The following RPS6KB1 variants were observed in gnomAD, a reference collection of about 807,000 sequenced individuals.
The protein encoded by RPS6KB1 is ribosomal protein S6 kinase beta-1.
In RPS6KB1, 12 loss-of-function variants were observed where a neutral mutation model predicts 70.2. The ratio of observed to expected loss-of-function variants is 0.17; its 90% CI spans 0.11 to 0.28. The LOEUF is 0.28. RPS6KB1 is among the 10% of genes least tolerant of loss of function. The pLI, the probability that RPS6KB1 is intolerant of heterozygous loss-of-function variation, is 1.00. For missense variants in RPS6KB1, 270 were observed against 646.6 expected (o/e 0.42, Z 6.32); for synonymous variants, 175 against 211.2 (o/e 0.83, Z 1.49).
intron 1 of RPS6KB1, among the ~76,000 whole-genome samples, chr17:59,905,201 T>G (rs927513770): frequency 6.6e-6 from 1 of 151,696 alleles, no homozygotes; most frequent in African/African-American, 2.4e-5. Context: ...AGAGACCAAG[T>G]TTCACCATGT....
At chr17:59,932,028 G>C (rs990628057) in intron 7 of RPS6KB1, among the ~76,000 whole-genome samples, 3 of 152,058 alleles carry the variant, frequency 2.0e-5, no homozygotes, top group African/African-American at 7.2e-5. Context: ...GACTGTAAAA[G>C]CCAGTCTAAA....
chr17:59,906,956 G>A (rs981340368), intron 1 of RPS6KB1: 1 of 151,834 alleles, frequency 6.6e-6, no homozygotes, highest in African/African-American at 2.4e-5. Context: ...GGCCTCCAAA[G>A]TGCTGGGATT....
rs369442815 is a variant in RPS6KB1 at position 59,946,825 on chromosome 17, G to A, written c.*37G>A. Reference sequence around the variant, plus strand: ...TTTTAATGAATTTAAGGCAAAAAAGGTGGAGAGGGAGATGTGTGAGCATCC... The same window carrying A: ...TTTTAATGAATTTAAGGCAAAAAAGATGGAGAGGGAGATGTGTGAGCATCC... On this transcript the variant is annotated 3_prime_UTR_variant, in exon 15 of 15. Transcript: ENST00000225577. The surrounding 1 kb of genome is among the most constrained non-coding windows in gnomAD (Gnocchi z 4.2). 9 of 1,609,494 alleles carry A rather than the reference G, an allele frequency of 5.6e-6. No homozygotes were observed. The highest frequency in any genetic ancestry group is 6.8e-6 in the Non-Finnish European group (8 of 1,176,674).
chr17:59,940,722 C>A (rs1248876726), intron 12 of RPS6KB1, 114 bp from the exon 13 acceptor site: 12 of 569,836 alleles, frequency 2.1e-5, no homozygotes, highest in Non-Finnish European at 3.3e-5. Context: ...TAAGACTATT[C>A]TAATACTTTA....
intron 4 of RPS6KB1, among the ~76,000 whole-genome samples, chr17:59,915,047 G>C (rs2042861361): frequency 6.6e-6 from 1 of 150,670 alleles, no homozygotes; most frequent in Non-Finnish European, 1.5e-5. Context: ...GGAGTGCGGT[G>C]GTGCGATGTC....
intron 1 of RPS6KB1, among the ~76,000 whole-genome samples, chr17:59,908,196 A>AT (rs924650940): frequency 0.017 from 2,479 of 143,994 alleles, 61 homozygotes; most frequent in African/African-American, 0.057. Flanking sequence ...CAAAATATAC[A>AT]TTTTTTTTTT....
chr17:59,894,784 T>C (rs1310835216), intron 1 of RPS6KB1, among the ~76,000 whole-genome samples: 2 of 151,980 alleles, frequency 1.3e-5, no homozygotes, highest in Non-Finnish European at 2.9e-5. Flanking sequence ...TTTGTATTTT[T>C]AGTAGAGACA....
chr17:59,947,323 A>C lies in RPS6KB1; in HGVS notation c.*535A>C. On this transcript the variant is annotated 3_prime_UTR_variant, in exon 15 of 15. Coordinates refer to ENST00000225577, the MANE Select transcript of RPS6KB1 (RefSeq NM_003161.4). ...TTTTTTATATAAATATATATTTTTC[A>C]AATAGATTTTTGATTCAGCTCATTA... 9.4e-7 allele frequency: 1 copy of C among 1,058,882 alleles called. No homozygotes were observed. The highest frequency in any genetic ancestry group is 4.9e-5 in the East Asian group (1 of 20,270). 65.6% of individuals were successfully genotyped at this position (1,058,882 alleles called of 1,614,324 possible).
chr17:59,932,850 C>T (rs912766089), intron 7 of RPS6KB1, among the ~76,000 whole-genome samples: 3 of 152,170 alleles, frequency 2.0e-5, no homozygotes, highest in Non-Finnish European at 4.4e-5. Context: ...ACCTTCCCCC[C>T]AGCCAGAATC....
At chr17:59,919,162 C>G (rs570925413) in intron 4 of RPS6KB1, among the ~76,000 whole-genome samples, 50 of 152,234 alleles carry the variant, frequency 3.3e-4, no homozygotes, top group African/African-American at 1.2e-3. Flanking sequence ...ATCAGAAGTT[C>G]TGTGTGTGTA....
Position 59,893,419 on chromosome 17 carries a change from A to C in RPS6KB1, c.141+94A>C. 1.5e-6 allele frequency: 2 copies of C among 1,300,422 alleles called. No homozygotes were observed. The highest frequency in any genetic ancestry group is 2.1e-6 in the Non-Finnish European group (2 of 938,546). The allele number at this position is 1,300,422 out of a possible 1,614,324, so 80.6% of individuals were successfully genotyped here. A position where few individuals can be genotyped will look rare whatever the true frequency, so the allele number is the denominator to read the frequency against. On this transcript the variant is annotated intron_variant, in intron 1 of 14. Coordinates refer to ENST00000225577, the MANE Select transcript of RPS6KB1 (RefSeq NM_003161.4). The surrounding 1 kb of genome is among the most constrained non-coding windows in gnomAD (Gnocchi z 4.1). ...GGTGTGTCCTAGAGCGTGGAGACCC[A>C]GGGGGGCTCCTGAGGAGCTGAGGGT...
Position 59,935,254 on chromosome 17 carries a change from A to G in RPS6KB1, c.932A>G (p.Asn311Ser), listed in dbSNP as rs200443093. The G allele has an allele frequency of 1.5e-5, 24 of 1,613,066 alleles. No homozygotes were observed. Among genetic ancestry groups the G allele is most frequent in the Admixed American group, 3.3e-5 (2 of 59,984 alleles). ...TIDKILKCKL[N>S]LPPYLTQEAR... is the part of the protein sequence containing the mutation. ...GACAAAATCCTCAAATGTAAACTCA[A>G]TTTGCCTCCCTACCTCACACAAGAA... Residue 311 changes from asparagine to serine, a missense_variant, in exon 10 of 15, where the codon AAT (asparagine) becomes AGT (serine). By Grantham distance (46) the Asn-to-Ser change is conservative. Coordinates refer to ENST00000225577, the MANE Select transcript of RPS6KB1 (RefSeq NM_003161.4).
At position 59,934,022 on chromosome 17, in the gene RPS6KB1, T is replaced by G; in HGVS notation, c.689-148T>G. The G allele has an allele frequency of 1.6e-6, 1 of 627,540 alleles. No individual in the cohort carries two copies. The highest frequency in any genetic ancestry group is 1.9e-5 in the South Asian group (1 of 51,494). 38.9% of individuals were successfully genotyped at this position (627,540 alleles called of 1,614,324 possible). ...CTTAAACAGTTAGCATCCCATTTTA[T>G]GGATGGTACCTTGTTCTTGACATCT... On this transcript the variant is annotated intron_variant, in intron 7 of 14. Transcript: ENST00000225577. This position sits in a 1 kb window ranked among gnomAD's most constrained non-coding sequence, Gnocchi z 4.8.
intron 4 of RPS6KB1, among the ~76,000 whole-genome samples, chr17:59,924,759 CT>C (rs1263172458): frequency 6.6e-6 from 1 of 151,540 alleles, no homozygotes; most frequent in African/African-American, 2.4e-5. Flanking sequence ...TGCTGCTGTA[CT>C]TTTAAGTACT....
intron 11 of RPS6KB1, 71 bp downstream of exon 11, chr17:59,936,348 G>A (rs1409346196): frequency 1.3e-6 from 2 of 1,503,102 alleles, no homozygotes; most frequent in South Asian, 2.4e-5. Flanking sequence ...AGGGTTATAT[G>A]TAGTTGCTTA....
At position 59,928,558 on chromosome 17, in the gene RPS6KB1, C is replaced by A. The variant is rs1453025798; in HGVS notation, c.530-1559C>A. 3.3e-5 allele frequency among the ~76,000 whole-genome samples: 5 copies of A among 152,016 alleles called. No homozygotes were observed. In the East Asian group the frequency reaches 9.6e-4, roughly 29 times the overall value. On this transcript the variant is annotated intron_variant, in intron 5 of 14. Transcript: ENST00000225577. ...AGAAATGGGGTTTCACCATGTTGGC[C>A]AGGCTGGTCTCGAATTCCTGACCTC...
chr17:59,932,144 C>T lies in RPS6KB1; in HGVS notation c.688+422C>T, dbSNP rs2043957175. 1.3e-5 allele frequency among the ~76,000 whole-genome samples: 2 copies of T among 151,902 alleles called. 1 individual carries two copies. Among genetic ancestry groups the T allele is most frequent in the South Asian group, 4.2e-4 (2 of 4,804 alleles). ...TATTGGCTGGGCACAGTGGCTGACA[C>T]CTGTAATCCCAGCACTTTGGGAGGC... On this transcript the variant is annotated intron_variant, in intron 7 of 14. Transcript: ENST00000225577.
intron 7 of RPS6KB1, among the ~76,000 whole-genome samples, chr17:59,933,381 G>A (rs982157833): frequency 2.8e-5 from 4 of 143,236 alleles, no homozygotes; most frequent in African/African-American, 8.0e-5. Flanking sequence ...GATTTATAAG[G>A]TTGAGTGTAT....
rs1266659196 is a variant in RPS6KB1 at position 59,950,242 on chromosome 17, T to C, written c.*3454T>C. 1 of 152,566 alleles carries C rather than the reference T, an allele frequency of 6.6e-6. No homozygotes were observed. The highest frequency in any genetic ancestry group is 6.5e-5 in the Admixed American group (1 of 15,280). The allele number at this position is 152,566 out of a possible 1,614,324, so 9.5% of individuals were successfully genotyped here. Reference sequence around the variant, plus strand: ...TGTTTGTGTTTGCTCTTTAAACTATTGTTTCTCCTATCCCAAGTTCGCTTT... The same window carrying C: ...TGTTTGTGTTTGCTCTTTAAACTATCGTTTCTCCTATCCCAAGTTCGCTTT... On this transcript the variant is annotated 3_prime_UTR_variant, in exon 15 of 15. Transcript: ENST00000225577.
Sources: allele counts gnomAD v4.1 joint callset (sites outside exome capture counted in the v4.1 genomes callset), GRCh38; gene constraint gnomAD v4.1.1; non-coding constraint Gnocchi (gnomAD v3.1); transcripts MANE v1.5; gene names NCBI Gene and HGNC (gene_info 2026-07-23, HGNC 2026-07-21).